PARD3B: variants seen among roughly 807,000 people sequenced by gnomAD.
PARD3B encodes par-3 family cell polarity regulator beta, also known as partitioning defective 3 homolog B.
A neutral mutation model predicts 130.2 loss-of-function variants in PARD3B; 103 were observed. The ratio of observed to expected loss-of-function variants is 0.79; its 90% CI spans 0.67 to 0.93. The LOEUF (loss-of-function observed/expected upper bound fraction) is 0.93. PARD3B is among the 40% of genes least tolerant of loss of function. The probability of loss-of-function intolerance (pLI) is 0.00; values close to 1 mark genes in which losing one functional copy is unlikely to be tolerated. For missense variants in PARD3B, 1,609 were observed against 1,499.2 expected (o/e 1.07, Z -1.21); for synonymous variants, 583 against 553.2 (o/e 1.05, Z -0.76).
In PARD3B at chr2:205,431,503, A is replaced by G. The variant is rs141088272; in HGVS notation, c.2742-8867A>G. On this transcript the variant is annotated intron_variant, in intron 19 of 22. Coordinates refer to ENST00000406610, the MANE Select transcript of PARD3B (RefSeq NM_001302769.2). ...TTTTTTTTTTGAGACAGAGTCTTGC[A>G]CTGTTGTCCAGGCTTGAGTGCAGTG... 3.0e-3 allele frequency among the ~76,000 whole-genome samples: 462 copies of G among 151,570 alleles called. 1 individual carries two copies. The highest frequency in any genetic ancestry group is 0.01 in the African/African-American group (415 of 41,280).
In PARD3B at chr2:205,122,490, A is replaced by G. The variant is rs138472904; in HGVS notation, c.1165+541A>G. Among the ~76,000 whole-genome samples, 132 of 152,322 alleles carry G rather than the reference A, an allele frequency of 8.7e-4. No homozygotes were observed. The highest frequency in any genetic ancestry group is 3.1e-3 in the African/African-American group (127 of 41,574). On this transcript the variant is annotated intron_variant, in intron 8 of 22. Coordinates refer to ENST00000406610, the MANE Select transcript of PARD3B (RefSeq NM_001302769.2). This position sits in a 1 kb window ranked among gnomAD's most constrained non-coding sequence, Gnocchi z 4.3. ...TTTCTTCATCTTTTTCAACTTTTCT[A>G]TCCATTTCAAGCACAGATCAGTGAG...
intron 1 of PARD3B, among the ~76,000 whole-genome samples, chr2:204,586,428 T>C (rs1288966749): frequency 6.6e-6 from 1 of 152,206 alleles, no homozygotes; most frequent in African/African-American, 2.4e-5. Flanking sequence ...TGCTTGCCCC[T>C]GTTTTGAGGA....
At chr2:205,383,491 T>A (rs1056756848) in intron 18 of PARD3B, among the ~76,000 whole-genome samples, 2 of 152,098 alleles carry the variant, frequency 1.3e-5, no homozygotes, top group Admixed American at 1.3e-4. Context: ...TGATACTTAG[T>A]TATTTTCTTT....
At chr2:205,135,933 A>G (rs949036890) in intron 10 of PARD3B, among the ~76,000 whole-genome samples, 1 of 152,106 alleles carries the variant, frequency 6.6e-6, no homozygotes, top group Non-Finnish European at 1.5e-5. Context: ...CTTTAAAAAG[A>G]ATGTTTTATC....
intron 2 of PARD3B, among the ~76,000 whole-genome samples, chr2:204,765,045 G>T (rs1574927267): frequency 6.6e-6 from 1 of 152,094 alleles, no homozygotes; most frequent in South Asian, 2.1e-4. Context: ...TAGTTAAATG[G>T]AGATTTACCA....
intron 3 of PARD3B, among the ~76,000 whole-genome samples, chr2:204,972,364 T>C (rs368184737): frequency 6.6e-6 from 1 of 152,208 alleles, no homozygotes; most frequent in East Asian, 1.9e-4. Context: ...ATTAAAATTA[T>C]ATAGTGTTAC....
chr2:205,159,617 C>G (rs1243774554), intron 11 of PARD3B, among the ~76,000 whole-genome samples: 1 of 152,198 alleles, frequency 6.6e-6, no homozygotes, highest in Non-Finnish European at 1.5e-5. Flanking sequence ...TAAATAATAA[C>G]TACTTCATAG....
At chr2:205,361,853 G>C (rs1258612766) in intron 18 of PARD3B, among the ~76,000 whole-genome samples, 1 of 151,718 alleles carries the variant, frequency 6.6e-6, no homozygotes, top group Non-Finnish European at 1.5e-5. Context: ...TTTTTTTTCT[G>C]GTTCCTTTTA....
intron 19 of PARD3B, among the ~76,000 whole-genome samples, chr2:205,435,801 T>G (rs1466777962): frequency 6.6e-6 from 1 of 152,146 alleles, no homozygotes; most frequent in Non-Finnish European, 1.5e-5. Flanking sequence ...GTTTATAATA[T>G]TTACATTTTT....
At chr2:204,853,064 T>G (rs1575136320) in intron 2 of PARD3B, among the ~76,000 whole-genome samples, 1 of 152,180 alleles carries the variant, frequency 6.6e-6, no homozygotes, top group East Asian at 1.9e-4. Flanking sequence ...TGATAGAAAG[T>G]GTTTCTGTTC....
At chr2:205,164,913 A>G (rs1259772284) in intron 11 of PARD3B, among the ~76,000 whole-genome samples, 2 of 141,786 alleles carry the variant, frequency 1.4e-5, no homozygotes, top group Admixed American at 7.0e-5. Flanking sequence ...TGACCACAGT[A>G]TGAACTCTGC....
chr2:204,628,797 TG>T (rs2034577230), intron 1 of PARD3B, among the ~76,000 whole-genome samples: 1 of 152,148 alleles, frequency 6.6e-6, no homozygotes, highest in African/African-American at 2.4e-5. Context: ...TATCTGTAGA[TG>T]GGAAATGAAT....
chr2:205,408,478 G>A (rs1368917665), intron 19 of PARD3B, among the ~76,000 whole-genome samples: 3 of 152,122 alleles, frequency 2.0e-5, no homozygotes, highest in Non-Finnish European at 4.4e-5. Flanking sequence ...ATTGAAAAAT[G>A]AAGATGCTTA....
chr2:205,423,963 G>A (rs1256072229), intron 19 of PARD3B, among the ~76,000 whole-genome samples: 2 of 152,076 alleles, frequency 1.3e-5, no homozygotes, highest in African/African-American at 2.4e-5. Flanking sequence ...AGGGGATCAG[G>A]AAAAATAGCT....
intron 2 of PARD3B, among the ~76,000 whole-genome samples, chr2:204,820,081 T>TTTTTTTTTC (rs2043286976): frequency 6.9e-6 from 1 of 144,670 alleles, no homozygotes; most frequent in African/African-American, 2.7e-5. Context: ...CTTTTTTTTT[T>TTTTTTTTTC]TTTTTTTTTT....
intron 18 of PARD3B, among the ~76,000 whole-genome samples, chr2:205,330,944 C>A (rs916427500): frequency 2.0e-5 from 3 of 152,284 alleles, no homozygotes; most frequent in African/African-American, 7.2e-5. Context: ...TAGACCAAAG[C>A]CAGTGACTTC....
intron 1 of PARD3B, among the ~76,000 whole-genome samples, chr2:204,655,631 C>T (rs866945719): frequency 2.8e-4 from 42 of 152,290 alleles, no homozygotes; most frequent in African/African-American, 1.0e-3. Context: ...TGACCCAGGA[C>T]ATACTATGTT....
chr2:204,918,629 C>CAA (rs549430207), intron 2 of PARD3B, among the ~76,000 whole-genome samples: 153 of 101,122 alleles, frequency 1.5e-3, no homozygotes, highest in African/African-American at 3.7e-3. Context: ...GACTCCGTCT[C>CAA]AAAAAAAAAA....
chr2:205,320,216 G>A (rs1392792745), intron 18 of PARD3B, among the ~76,000 whole-genome samples: 2 of 142,514 alleles, frequency 1.4e-5, no homozygotes, highest in Non-Finnish European at 3.0e-5. Flanking sequence ...GGGAAGGGTG[G>A]GGGGGAGGAA....
Sources: gnomAD v4.1 joint callset for allele counts (sites outside exome capture counted in the v4.1 genomes callset) on GRCh38, gnomAD v4.1.1 for gene constraint, Gnocchi (gnomAD v3.1) non-coding constraint, MANE v1.5 for transcripts, NCBI Gene and HGNC (gene_info 2026-07-23, HGNC 2026-07-21) for gene names.